NKAIN3: variants seen among roughly 807,000 people sequenced by gnomAD.
The protein encoded by NKAIN3 is sodium/potassium-transporting ATPase subunit beta-1-interacting protein 3.
In NKAIN3, 25 loss-of-function variants were observed where a neutral mutation model predicts 30.2. That is an observed-to-expected ratio of 0.83 (90% CI 0.60 to 1.16). The LOEUF is 1.16. NKAIN3 is among the 50% of genes most tolerant of loss of function. NKAIN3 has a pLI of 0.00. For missense variants in NKAIN3, 225 were observed against 254.1 expected, an observed-to-expected ratio of 0.89 and a Z score of 0.78; for synonymous variants, 91 against 89.6, an observed-to-expected ratio of 1.02 and a Z score of -0.09.
chr8:62,277,177 C>T (rs1812990224), intron 1 of NKAIN3, among the ~76,000 whole-genome samples: 1 of 152,052 alleles, frequency 6.6e-6, no homozygotes, highest in South Asian at 2.1e-4. Context: ...ACAGAACAAG[C>T]ATATTTCAGC....
At chr8:62,635,359 T>G (rs1446607555) in intron 3 of NKAIN3, among the ~76,000 whole-genome samples, 3 of 152,102 alleles carry the variant, frequency 2.0e-5, no homozygotes, top group Non-Finnish European at 4.4e-5. Flanking sequence ...AAAGGCCTGA[T>G]TTGTGAAAGT....
intron 1 of NKAIN3, among the ~76,000 whole-genome samples, chr8:62,421,154 G>T (rs1007443065): frequency 2.0e-5 from 3 of 152,130 alleles, no homozygotes; most frequent in African/African-American, 7.2e-5. Flanking sequence ...TATTTCTTCT[G>T]TCCTTCTTAG....
rs375549717 is a variant in NKAIN3 at position 62,737,023 on chromosome 8, A to T, written c.274-9909A>T. ...GGAGGTGGACATCCCTCTTCCACCC[A>T]TTGGGCACTCACAGTTTTTTGGCTT... On this transcript the variant is annotated intron_variant, in intron 3 of 6. Transcript: ENST00000623646. Among the ~76,000 whole-genome samples the T allele has an allele frequency of 3.3e-3, 498 of 152,284 alleles. 5 individuals carry two copies. The highest frequency in any genetic ancestry group is 0.011 in the African/African-American group (460 of 41,554).
chr8:62,470,973 A>G (rs1806322976), intron 1 of NKAIN3, among the ~76,000 whole-genome samples: 1 of 152,186 alleles, frequency 6.6e-6, no homozygotes, highest in Non-Finnish European at 1.5e-5. Context: ...GACAATTAGG[A>G]TGTTTTCCTT....
At chr8:62,419,556 T>C (rs1301185502) in intron 1 of NKAIN3, among the ~76,000 whole-genome samples, 1 of 152,124 alleles carries the variant, frequency 6.6e-6, no homozygotes, top group Non-Finnish European at 1.5e-5. Flanking sequence ...TCAATGTAAG[T>C]TTTTGCTGCT....
chr8:62,487,742 A>T (rs1806946137), intron 1 of NKAIN3, among the ~76,000 whole-genome samples: 1 of 152,206 alleles, frequency 6.6e-6, no homozygotes, highest in African/African-American at 2.4e-5. Context: ...GTGTAATTCA[A>T]TCCCATTATC....
intron 1 of NKAIN3, among the ~76,000 whole-genome samples, chr8:62,529,859 C>T (rs1808432358): frequency 6.6e-6 from 1 of 152,114 alleles, no homozygotes; most frequent in Non-Finnish European, 1.5e-5. Flanking sequence ...AGGTGTCAAG[C>T]TGAGCTCTTG....
At chr8:62,415,136 T>A (rs201504218) in intron 1 of NKAIN3, among the ~76,000 whole-genome samples, 1 of 59,030 alleles carries the variant, frequency 1.7e-5, no homozygotes, top group South Asian at 5.0e-4. Context: ...TATACTATAG[T>A]ATATATGTAT....
In NKAIN3 at chr8:62,339,084, C is replaced by G. The variant is rs535442997; in HGVS notation, c.54+89957C>G. 1.8e-4 allele frequency among the ~76,000 whole-genome samples: 28 copies of G among 152,036 alleles called. 1 individual carries two copies. The highest frequency in any genetic ancestry group is 2.6e-4 in the Non-Finnish European group (18 of 67,936). ...GAATCTAAAGAATAAGAAGGAGATG[C>G]CTGTGATTAGACCACTAGGAAGAAT... On this transcript the variant is annotated intron_variant, in intron 1 of 6. Transcript: ENST00000623646.
At chr8:62,507,185 T>C (rs1563431298) in intron 1 of NKAIN3, among the ~76,000 whole-genome samples, 1 of 152,202 alleles carries the variant, frequency 6.6e-6, no homozygotes, top group African/African-American at 2.4e-5. Context: ...AGTTTCACTA[T>C]ACAAAATTGA....
intron 1 of NKAIN3, among the ~76,000 whole-genome samples, chr8:62,477,153 A>G (rs1303192533): frequency 6.6e-6 from 1 of 152,210 alleles, no homozygotes; most frequent in Non-Finnish European, 1.5e-5. Context: ...CGTATCAATC[A>G]TGTGTGGAAA....
rs540582168 is a variant in NKAIN3, at chr8:62,786,171, T to C, written c.471+39042T>C. Among the ~76,000 whole-genome samples, 3 of 152,184 alleles carry C rather than the reference T, an allele frequency of 2.0e-5. No individual in the cohort carries two copies. In the South Asian group the frequency reaches 6.2e-4, roughly 32 times the overall value. On this transcript the variant is annotated intron_variant, in intron 4 of 6. Coordinates refer to ENST00000623646, the MANE Select transcript of NKAIN3 (RefSeq NM_001304533.3). Reference sequence around the variant, plus strand: ...CAAATGTACATATAAAAAATGGAGATAGATGATACTCCCATAACAAGTAGT... The same window carrying C: ...CAAATGTACATATAAAAAATGGAGACAGATGATACTCCCATAACAAGTAGT...
At chr8:62,708,267 TGTG>T (rs988514526) in intron 3 of NKAIN3, among the ~76,000 whole-genome samples, 1 of 152,044 alleles carries the variant, frequency 6.6e-6, no homozygotes, top group African/African-American at 2.4e-5. Flanking sequence ...TGAGGAATGA[TGTG>T]GTATTTTGAT....
chr8:62,365,717 C>T (rs978546022), intron 1 of NKAIN3, among the ~76,000 whole-genome samples: 1 of 152,102 alleles, frequency 6.6e-6, no homozygotes, highest in Non-Finnish European at 1.5e-5. Flanking sequence ...TGCACTTATC[C>T]CTCCAGGACA....
At chr8:62,750,641 C>T (rs760310368) in intron 4 of NKAIN3, among the ~76,000 whole-genome samples, 10 of 152,112 alleles carry the variant, frequency 6.6e-5, no homozygotes, top group Non-Finnish European at 1.2e-4. Flanking sequence ...CTGAGAACGA[C>T]AGGGAGAGTG....
intron 4 of NKAIN3, among the ~76,000 whole-genome samples, chr8:62,852,229 T>C (rs934297018): frequency 5.3e-5 from 8 of 152,246 alleles, no homozygotes; most frequent in Non-Finnish European, 1.0e-4. Context: ...CTAGATTTTC[T>C]AGTTTATTTG....
chr8:62,870,697 A>ATATCTCTATATCTATATATCTATATCTC (rs1227293096), intron 4 of NKAIN3, among the ~76,000 whole-genome samples: 1 of 107,836 alleles, frequency 9.3e-6, no homozygotes. Context: ...CTCTCTATCT[A>ATATCTCTATATCTATATATCTATATCTC]TATATCTATA....
chr8:62,792,733 A>G (rs1817743170), intron 4 of NKAIN3, among the ~76,000 whole-genome samples: 1 of 152,156 alleles, frequency 6.6e-6, no homozygotes, highest in Non-Finnish European at 1.5e-5. Context: ...ACACATGAAT[A>G]AGTCTTGAAA....
In NKAIN3 at chr8:62,978,595, T is replaced by G. The variant is rs1824000456; in HGVS notation, c.*13188T>G. On this transcript the variant is annotated 3_prime_UTR_variant, in exon 7 of 7. Transcript: ENST00000623646. ...CAAGCTTGAGCATCCCAGGTCTACTTCAGACTGCTGTGCTGGAAGTAAGAA... is the reference window on the plus strand; with the variant it reads ...CAAGCTTGAGCATCCCAGGTCTACTGCAGACTGCTGTGCTGGAAGTAAGAA... The G allele has an allele frequency of 6.6e-6, 1 of 152,384 alleles. No homozygotes were observed. The highest frequency in any genetic ancestry group is 1.5e-5 in the Non-Finnish European group (1 of 68,102). The allele number at this position is 152,384 out of a possible 1,614,324, so 9.4% of individuals were successfully genotyped here.
Sources: allele counts gnomAD v4.1 joint callset (sites outside exome capture counted in the v4.1 genomes callset), GRCh38; gene constraint gnomAD v4.1.1; transcripts MANE v1.5; gene names NCBI Gene and HGNC (gene_info 2026-07-23, HGNC 2026-07-21).